The following GRIA3 variants were observed in gnomAD, a reference collection of about 807,000 sequenced individuals.
The protein encoded by GRIA3 is glutamate receptor 3.
GRIA3 carries 3 observed loss-of-function variants against 63.0 expected under a neutral mutation model. The observed-to-expected ratio is 0.05, with a 90% CI of 0.02 to 0.12. The LOEUF is 0.12. Ranked by LOEUF, GRIA3 falls within the 10% of genes least tolerant of loss-of-function variation. The pLI is 1.00. For missense variants in GRIA3, 347 were observed against 700.9 expected, an observed-to-expected ratio of 0.50 and a Z score of 5.70; for synonymous variants, 274 against 257.9, an observed-to-expected ratio of 1.06 and a Z score of -0.60.
At chrX:123,294,141 A>G in intron 3 of GRIA3, among the ~76,000 whole-genome samples, 1 of 110,673 alleles carries the variant, frequency 9.0e-6, no homozygotes, top group Non-Finnish European at 1.9e-5. Context: ...AATCCTGATG[A>G]CTCAATGAGT....
chrX:123,318,938 G>A (rs2044850503), intron 3 of GRIA3, among the ~76,000 whole-genome samples: 1 of 112,005 alleles, frequency 8.9e-6, no homozygotes, highest in Non-Finnish European at 1.9e-5. Context: ...ACATGGCTGG[G>A]GAAGCCTCGG....
At chrX:123,189,017 G>T (rs984539632) in intron 2 of GRIA3, among the ~76,000 whole-genome samples, 1 of 111,591 alleles carries the variant, frequency 9.0e-6, no homozygotes, top group African/African-American at 3.3e-5. Context: ...CCCCCAAGAG[G>T]TTTGCTTAAG....
chrX:123,219,826 T>C (rs189648447), intron 2 of GRIA3, among the ~76,000 whole-genome samples: 1 of 112,612 alleles, frequency 8.9e-6, no homozygotes, highest in East Asian at 2.8e-4. Flanking sequence ...AGCTACTGAG[T>C]AGCAGGCACT....
At chrX:123,361,491 G>T (rs917087601) in intron 5 of GRIA3, among the ~76,000 whole-genome samples, 3 of 111,172 alleles carry the variant, frequency 2.7e-5, no homozygotes, top group African/African-American at 9.8e-5. Flanking sequence ...AACTTCTCTG[G>T]TAGCTCAGGA....
At position 123,485,857 on chromosome X, in the gene GRIA3, G is replaced by A. The variant is rs768523516; in HGVS notation, c.*2+2811G>A. ...ATTAGTGTGCATGCAACTCATGTGG[G>A]AACCTTCTAAAAATATAGATCCTGA... On this transcript the variant is annotated intron_variant, in intron 15 of 15. Transcript: ENST00000620443. Among the ~76,000 whole-genome samples, 19 of 111,079 alleles carry A rather than the reference G, an allele frequency of 1.7e-4. No individual in the cohort carries two copies. In the South Asian group the frequency reaches 3.5e-3, roughly 20 times the overall value.
chrX:123,379,638 T>G (rs2045309197), intron 5 of GRIA3, among the ~76,000 whole-genome samples: 1 of 99,724 alleles, frequency 1.0e-5, no homozygotes, highest in African/African-American at 3.6e-5. Flanking sequence ...TTTTTTTTTT[T>G]TGTAAAATTT....
At chrX:123,313,874 T>C (rs1228469856) in intron 3 of GRIA3, among the ~76,000 whole-genome samples, 1 of 111,778 alleles carries the variant, frequency 8.9e-6, no homozygotes, top group African/African-American at 3.3e-5. Context: ...GTTCATCTTC[T>C]GCTGGAGAAG....
At chrX:123,386,597 T>C (rs757505480) in intron 5 of GRIA3, among the ~76,000 whole-genome samples, 1 of 111,814 alleles carries the variant, frequency 8.9e-6, no homozygotes, top group South Asian at 3.7e-4. Context: ...TCGAGTCTTA[T>C]GTTTAGGTCT....
chrX:123,365,185 A>G (rs1326712551), intron 5 of GRIA3, among the ~76,000 whole-genome samples: 1 of 112,040 alleles, frequency 8.9e-6, no homozygotes, highest in Admixed American at 9.5e-5. Flanking sequence ...CACATTGTAT[A>G]TGTATATCAA....
At chrX:123,361,570 G>A (rs1459830474) in intron 5 of GRIA3, among the ~76,000 whole-genome samples, 1 of 111,512 alleles carries the variant, frequency 9.0e-6, no homozygotes, top group African/African-American at 3.3e-5. Flanking sequence ...GACTGGGCTG[G>A]TTTCCAACTT....
intron 3 of GRIA3, among the ~76,000 whole-genome samples, chrX:123,317,550 A>C (rs746199951): frequency 1.8e-5 from 2 of 112,135 alleles, no homozygotes; most frequent in African/African-American, 6.5e-5. Context: ...AAGGGGTTAC[A>C]GGGCCCATGT....
intron 4 of GRIA3, among the ~76,000 whole-genome samples, chrX:123,338,675 C>T (rs1393338832): frequency 1.8e-5 from 2 of 111,571 alleles, no homozygotes; most frequent in East Asian, 2.8e-4. Context: ...CTCAGCCTCC[C>T]GAGTAGCTGG....
chrX:123,401,258 A>G (rs1251296828), intron 7 of GRIA3, among the ~76,000 whole-genome samples: 1 of 111,909 alleles, frequency 8.9e-6, no homozygotes, highest in East Asian at 2.8e-4. Context: ...CTGTTGGACT[A>G]TGCCTTGACT....
intron 3 of GRIA3, among the ~76,000 whole-genome samples, chrX:123,278,625 T>C (rs188259086): frequency 8.9e-6 from 1 of 112,447 alleles, no homozygotes; most frequent in African/African-American, 3.2e-5. Flanking sequence ...TGGGCCTAAT[T>C]TCTTTCTTAT....
chrX:123,319,852 A>T (rs1413557288), intron 3 of GRIA3, among the ~76,000 whole-genome samples: 1 of 108,434 alleles, frequency 9.2e-6, no homozygotes, highest in African/African-American at 3.3e-5. Context: ...TTAATATGCC[A>T]CATTTGTATT....
chrX:123,458,833 G>A (rs2045777008), intron 12 of GRIA3, among the ~76,000 whole-genome samples: 1 of 111,637 alleles, frequency 9.0e-6, no homozygotes, highest in Non-Finnish European at 1.9e-5. Flanking sequence ...AATTTCAAAT[G>A]ATAGTAATTT....
intron 4 of GRIA3, among the ~76,000 whole-genome samples, chrX:123,332,415 G>A (rs1186542168): frequency 9.0e-6 from 1 of 111,438 alleles, no homozygotes; most frequent in Non-Finnish European, 1.9e-5. Flanking sequence ...TCTCATATGA[G>A]TTAATCCTCA....
intron 2 of GRIA3, among the ~76,000 whole-genome samples, chrX:123,188,445 G>A (rs982483055): frequency 9.0e-6 from 1 of 111,288 alleles, no homozygotes; most frequent in African/African-American, 3.3e-5. Context: ...TTGTGGAAGC[G>A]GAGATCAAAT....
At chrX:123,283,934 C>A (rs1281420674) in intron 3 of GRIA3, among the ~76,000 whole-genome samples, 1 of 112,501 alleles carries the variant, frequency 8.9e-6, no homozygotes, top group East Asian at 2.8e-4. Context: ...GGTCCCTGAC[C>A]CCCATGCCTC....
Sources: allele counts gnomAD v4.1 joint callset (sites outside exome capture counted in the v4.1 genomes callset), GRCh38; gene constraint gnomAD v4.1.1; transcripts MANE v1.5; gene names NCBI Gene and HGNC (gene_info 2026-07-23, HGNC 2026-07-21).